Variants in IL23R observed in about 807,000 individuals in gnomAD.
IL23R encodes the protein interleukin 23 receptor.
Under a neutral mutation model 56.9 loss-of-function variants are expected in IL23R, and 34 were observed. That is an observed-to-expected ratio of 0.60 (90% CI 0.45 to 0.80). The LOEUF is 0.80. IL23R is among the 30% of genes least tolerant of loss of function. IL23R has a pLI of 0.00. For missense variants in IL23R, 635 were observed against 730.0 expected (o/e 0.87, Z 1.50); for synonymous variants, 230 against 249.2 (o/e 0.92, Z 0.73).
At chr1:67,235,994 T>A (rs1651446980) in intron 7 of IL23R, among the ~76,000 whole-genome samples, 1 of 152,190 alleles carries the variant, frequency 6.6e-6, no homozygotes, top group Non-Finnish European at 1.5e-5. Context: ...TTGAAGTCAC[T>A]TCTGTCAGCT....
chr1:67,258,925 A>C lies in IL23R; in HGVS notation c.1687A>C (p.Ile563Leu). 5 of 1,614,058 alleles carry C rather than the reference A, an allele frequency of 3.1e-6. No individual in the cohort carries two copies. The highest frequency in any genetic ancestry group is 4.2e-6 in the Non-Finnish European group (5 of 1,179,944). Residue 563 changes from isoleucine to leucine, a missense_variant, in exon 11 of 11, where the codon ATA becomes CTA. Transcript: ENST00000347310. Reference protein sequence around the residue: ...LNQGECSSPDIQNSVEEETTM... With the variant: ...LNQGECSSPDLQNSVEEETTM... ...TCAAGGAGAATGCAGTTCTCCTGAC[A>C]TACAAAACTCAGTAGAGGAGGAAAC...
chr1:67,240,316 G>C, intron 9 of IL23R, 35 bp downstream of exon 9: 1 of 1,384,370 alleles, frequency 7.2e-7, no homozygotes, highest in Non-Finnish European at 1.0e-6. Context: ...TTCTGATTTA[G>C]ACTACATGTA....
intron 3 of IL23R, among the ~76,000 whole-genome samples, chr1:67,175,792 C>T (rs549569225): frequency 2.6e-5 from 4 of 152,238 alleles, no homozygotes; most frequent in South Asian, 4.2e-4. Context: ...CTACAAAGAA[C>T]CCATTCGCAA....
chr1:67,169,211 G>T (rs1380850932), intron 2 of IL23R, 131 bp from the exon 3 acceptor site: 2 of 635,118 alleles, frequency 3.1e-6, no homozygotes, highest in Non-Finnish European at 2.7e-6. Context: ...GATACATCTA[G>T]TCCTAAAACT....
At chr1:67,187,716 A>G (rs1647439366) in intron 4 of IL23R, among the ~76,000 whole-genome samples, 2 of 152,214 alleles carry the variant, frequency 1.3e-5, no homozygotes, top group Admixed American at 6.5e-5. Flanking sequence ...TTTTAGATTT[A>G]ATTTCCAGTT....
intron 6 of IL23R, among the ~76,000 whole-genome samples, chr1:67,208,864 G>T (rs761180002): frequency 5.3e-5 from 8 of 152,112 alleles, no homozygotes; most frequent in Non-Finnish European, 1.2e-4. Context: ...AGCTTGAACC[G>T]TGCACCTGGA....
chr1:67,213,608 T>C (rs549835741), intron 6 of IL23R, among the ~76,000 whole-genome samples: 1 of 152,342 alleles, frequency 6.6e-6, no homozygotes, highest in South Asian at 2.1e-4. Context: ...TAGTGATTTA[T>C]ATTACAATTG....
chr1:67,174,361 C>T (rs1306868017), intron 3 of IL23R, among the ~76,000 whole-genome samples: 2 of 151,076 alleles, frequency 1.3e-5, no homozygotes, highest in Non-Finnish European at 2.9e-5. Flanking sequence ...GCTTGAATGA[C>T]ATCTAGTATT....
chr1:67,139,385 A>G (rs114430898), intron 1 of IL23R, among the ~76,000 whole-genome samples: 1 of 152,172 alleles, frequency 6.6e-6, no homozygotes, highest in East Asian at 1.9e-4. Flanking sequence ...TGAAACGTTC[A>G]TTATGTTTCT....
At chr1:67,187,118 C>G (rs1335936528) in intron 4 of IL23R, among the ~76,000 whole-genome samples, 1 of 152,154 alleles carries the variant, frequency 6.6e-6, no homozygotes, top group African/African-American at 2.4e-5. Context: ...TCCTGGGTCT[C>G]TTGGTAACTC....
intron 3 of IL23R, among the ~76,000 whole-genome samples, chr1:67,171,719 C>T (rs544390899): frequency 2.0e-5 from 3 of 152,160 alleles, no homozygotes; most frequent in Non-Finnish European, 4.4e-5. Context: ...TTATATGTCA[C>T]TTAACAGGAG....
At chr1:67,254,414 TAC>T (rs1021906214) in intron 9 of IL23R, among the ~76,000 whole-genome samples, 1 of 55,256 alleles carries the variant, frequency 1.8e-5, no homozygotes, top group African/African-American at 1.7e-4. Flanking sequence ...TAAATATATA[TAC>T]ATATATATAT....
chr1:67,161,784 C>T (rs868408852), upstream of IL23R, among the ~76,000 whole-genome samples: 4 of 151,820 alleles, frequency 2.6e-5, no homozygotes, highest in African/African-American at 9.7e-5. Context: ...TGAGCCAACA[C>T]GCCTGGCTAA....
intron 7 of IL23R, chr1:67,232,001 T>C (rs1435724760): frequency 6.6e-6 from 1 of 152,096 alleles, no homozygotes; most frequent in Non-Finnish European, 1.5e-5. Flanking sequence ...GCTTGGGTGA[T>C]GGTGTGAGAC....
intron 7 of IL23R, among the ~76,000 whole-genome samples, chr1:67,228,241 T>C (rs1558254519): frequency 2.0e-5 from 3 of 149,210 alleles, no homozygotes; most frequent in Admixed American, 6.8e-5. Context: ...TCACCCAGGC[T>C]GGAGTGCAGT....
intron 9 of IL23R, among the ~76,000 whole-genome samples, chr1:67,244,161 G>A (rs188982592): frequency 4.5e-4 from 68 of 152,152 alleles, no homozygotes; most frequent in Admixed American, 9.8e-4. Flanking sequence ...GGGTTGGTTT[G>A]TTTGTTTTCT....
At chr1:67,252,630 G>T (rs755618164) in intron 9 of IL23R, among the ~76,000 whole-genome samples, 2 of 152,214 alleles carry the variant, frequency 1.3e-5, no homozygotes, top group South Asian at 4.1e-4. Flanking sequence ...GCTCCTGGGG[G>T]TCGTTAGAAG....
intron 6 of IL23R, among the ~76,000 whole-genome samples, chr1:67,215,422 A>C (rs1649769886): frequency 6.6e-6 from 1 of 152,134 alleles, no homozygotes; most frequent in Non-Finnish European, 1.5e-5. Flanking sequence ...TTCTGCCATC[A>C]ACAGGCTAGC....
At chr1:67,154,795 G>A (rs998352186) in intron 1 of IL23R, among the ~76,000 whole-genome samples, 1 of 152,120 alleles carries the variant, frequency 6.6e-6, no homozygotes, top group African/African-American at 2.4e-5. Context: ...TACATTTAAA[G>A]TTAATATTGT....
Sources: allele counts gnomAD v4.1 joint callset (sites outside exome capture counted in the v4.1 genomes callset), GRCh38; gene constraint gnomAD v4.1.1; transcripts MANE v1.5; gene names NCBI Gene and HGNC (gene_info 2026-07-23, HGNC 2026-07-21).